The following LRIT3 variants were observed in gnomAD, a reference collection of about 807,000 sequenced individuals.
LRIT3 encodes leucine-rich repeat, immunoglobulin-like domain and transmembrane domain-containing protein 3.
Under a neutral mutation model 22.6 loss-of-function variants are expected in LRIT3, and 14 were observed. The observed-to-expected ratio is 0.62, with a 90% CI of 0.41 to 0.97. The LOEUF (loss-of-function observed/expected upper bound fraction) is 0.97. LRIT3 is among the 50% of genes least tolerant of loss of function. The pLI is 0.00. For missense variants in LRIT3, 783 were observed against 803.0 expected (o/e 0.98, Z 0.30); for synonymous variants, 306 against 304.5 (o/e 1.01, Z -0.05).
rs942045086 is a variant in LRIT3, at chr4:109,870,871, C to T, written c.*82C>T. The T allele has an allele frequency of 4.3e-5, 58 of 1,364,220 alleles. No individual in the cohort carries two copies. Among genetic ancestry groups the T allele is most frequent in the Middle Eastern group, 1.9e-4 (1 of 5,166 alleles). 84.5% of individuals were successfully genotyped at this position (1,364,220 alleles called of 1,614,324 possible). On this transcript the variant is annotated 3_prime_UTR_variant, in exon 4 of 4. Transcript: ENST00000594814. ...ACCCTAGGTTTGGATGACTTTTGGA[C>T]AGACTTTCACATTGTACATGAAAAT...
intron 1 of LRIT3, among the ~76,000 whole-genome samples, chr4:109,848,935 G>A (rs1440119710): frequency 6.6e-6 from 1 of 152,198 alleles, no homozygotes; most frequent in Non-Finnish European, 1.5e-5. Context: ...TGTGTAGTGA[G>A]AAGAGTTATT....
intron 2 of LRIT3, among the ~76,000 whole-genome samples, chr4:109,860,680 G>A (rs1464770090): frequency 6.6e-6 from 1 of 152,174 alleles, no homozygotes; most frequent in Admixed American, 6.5e-5. Flanking sequence ...ATATTTCCAT[G>A]ACCTCAGAAA....
At chr4:109,848,859 G>C (rs776955656) in intron 1 of LRIT3, among the ~76,000 whole-genome samples, 3 of 152,208 alleles carry the variant, frequency 2.0e-5, no homozygotes, top group African/African-American at 4.8e-5. Flanking sequence ...AAAAGATACT[G>C]TCTGTTTCAG....
At chr4:109,849,674 A>G (rs1484804601) in intron 1 of LRIT3, among the ~76,000 whole-genome samples, 1 of 152,180 alleles carries the variant, frequency 6.6e-6, no homozygotes, top group Non-Finnish European at 1.5e-5. Flanking sequence ...GTGCAGTGGC[A>G]CAATCTCGGC....
intron 2 of LRIT3, among the ~76,000 whole-genome samples, chr4:109,852,389 A>T (rs190798995): frequency 7.0e-4 from 107 of 152,330 alleles, no homozygotes; most frequent in Non-Finnish European, 2.4e-4. Context: ...GGAGAGGGGC[A>T]CTGGCATCTT....
In LRIT3 at chr4:109,849,442, G is replaced by T. The variant is rs146685914; in HGVS notation, c.116+1125G>T. ...ATTAGGCCTGGCAAGAAATAATCTAGTTCAACCCCTTGTCAGTTTATAAGT... is the reference window on the plus strand; with the variant it reads ...ATTAGGCCTGGCAAGAAATAATCTATTTCAACCCCTTGTCAGTTTATAAGT... On this transcript the variant is annotated intron_variant, in intron 1 of 3. Transcript: ENST00000594814. Among the ~76,000 whole-genome samples, 12 of 152,270 alleles carry T rather than the reference G, an allele frequency of 7.9e-5. No homozygotes were observed. In the East Asian group the frequency reaches 1.7e-3, roughly 22 times the overall value.
rs980329277 is a variant in LRIT3, at chr4:109,868,901, G to A, written c.896-744G>A. ...TCCACAGTTTCAGCTAGTGAGTTAA[G>A]TTTTGGGCTACTGGGCTACTGTTCT... On this transcript the variant is annotated intron_variant, in intron 3 of 3. Coordinates refer to ENST00000594814, the MANE Select transcript of LRIT3 (RefSeq NM_198506.5). Among the ~76,000 whole-genome samples, 11 of 152,200 alleles carry A rather than the reference G, an allele frequency of 7.2e-5. No homozygotes were observed. In the East Asian group the frequency reaches 2.1e-3, roughly 29 times the overall value.
intron 2 of LRIT3, chr4:109,865,233 C>T (rs1560594183): frequency 6.5e-7 from 1 of 1,542,882 alleles, no homozygotes; most frequent in Non-Finnish European, 8.8e-7. Context: ...ACAGAATTAA[C>T]TAATGGTTGA....
At chr4:109,861,793 T>G (rs1734554696) in intron 2 of LRIT3, among the ~76,000 whole-genome samples, 1 of 152,208 alleles carries the variant, frequency 6.6e-6, no homozygotes, top group South Asian at 2.1e-4. Context: ...TTTGATGACA[T>G]TTGATTCATT....
At chr4:109,867,972 T>A in intron 3 of LRIT3, 26 bp downstream of exon 3, 1 of 1,585,072 alleles carries the variant, frequency 6.3e-7, no homozygotes, top group South Asian at 1.1e-5. Context: ...AGCCCCATGA[T>A]CAAAGGAGTT....
chr4:109,869,268 C>A (rs1482099317), intron 3 of LRIT3, among the ~76,000 whole-genome samples: 4 of 152,032 alleles, frequency 2.6e-5, no homozygotes, highest in Non-Finnish European at 5.9e-5. Flanking sequence ...TGAAAGGGAC[C>A]TTTGAGATTA....
In LRIT3 at chr4:109,871,828, G is replaced by A. The variant is rs770149854; in HGVS notation, c.*1039G>A. ...ATTCTTTTCCTAGGTTAAAAACATCGGGGAACTTAAATACATAGGAAAGGA... is the reference window on the plus strand; with the variant it reads ...ATTCTTTTCCTAGGTTAAAAACATCAGGGAACTTAAATACATAGGAAAGGA... On this transcript the variant is annotated 3_prime_UTR_variant, in exon 4 of 4. Coordinates refer to ENST00000594814, the MANE Select transcript of LRIT3 (RefSeq NM_198506.5). 4.6e-5 allele frequency: 7 copies of A among 152,124 alleles called. No homozygotes were observed. The highest frequency in any genetic ancestry group is 9.7e-5 in the African/African-American group (4 of 41,410). The allele number at this position is 152,124 out of a possible 1,614,324, so 9.4% of individuals were successfully genotyped here. A position where few individuals can be genotyped will look rare whatever the true frequency, so the allele number is the denominator to read the frequency against.
chr4:109,858,574 A>G (rs1256120365), intron 2 of LRIT3, among the ~76,000 whole-genome samples: 1 of 152,156 alleles, frequency 6.6e-6, no homozygotes, highest in Non-Finnish European at 1.5e-5. Flanking sequence ...ACTTTTGACC[A>G]TATATTAGAT....
At chr4:109,868,586 T>C (rs1734744348) in intron 3 of LRIT3, among the ~76,000 whole-genome samples, 1 of 151,282 alleles carries the variant, frequency 6.6e-6, no homozygotes, top group African/African-American at 2.4e-5. Context: ...ACGGGGGGCT[T>C]TTGTACAAGT....
chr4:109,862,822 A>G (rs1378409021), intron 2 of LRIT3, among the ~76,000 whole-genome samples: 1 of 152,146 alleles, frequency 6.6e-6, no homozygotes, highest in Admixed American at 6.6e-5. Context: ...AGCTGGGACA[A>G]CAGGCAAGTG....
At chr4:109,852,639 G>T (rs948498912) in intron 2 of LRIT3, among the ~76,000 whole-genome samples, 3 of 152,168 alleles carry the variant, frequency 2.0e-5, no homozygotes, top group African/African-American at 4.8e-5. Flanking sequence ...TGCAGAACTT[G>T]TAGGTTTGTT....
chr4:109,867,176 G>C (rs1734702386), intron 2 of LRIT3, among the ~76,000 whole-genome samples: 1 of 151,936 alleles, frequency 6.6e-6, no homozygotes, highest in South Asian at 2.1e-4. Flanking sequence ...CTTTATTACT[G>C]TATTATGGCA....
At chr4:109,868,142 C>T (rs531763904) in intron 3 of LRIT3, among the ~76,000 whole-genome samples, 196 bp downstream of exon 3, 5 of 152,232 alleles carry the variant, frequency 3.3e-5, no homozygotes, top group South Asian at 2.1e-4. Context: ...TAAAATTAAA[C>T]AATCTAAACT....
chr4:109,855,381 G>T (rs1221649708), intron 2 of LRIT3, among the ~76,000 whole-genome samples: 3 of 152,100 alleles, frequency 2.0e-5, no homozygotes, highest in Non-Finnish European at 2.9e-5. Context: ...GGGATCAGTG[G>T]TTATATCCCT....
Sources: gnomAD v4.1 joint callset for allele counts (sites outside exome capture counted in the v4.1 genomes callset) on GRCh38, gnomAD v4.1.1 for gene constraint, MANE v1.5 for transcripts, NCBI Gene and HGNC (gene_info 2026-07-23, HGNC 2026-07-21) for gene names.